Variants in MGAT5 observed in about 807,000 individuals in gnomAD.
The protein encoded by MGAT5 is alpha-1,6-mannosylglycoprotein 6-beta-N-acetylglucosaminyltransferase, also known as alpha-1,6-mannosylglycoprotein 6-beta-N-acetylglucosaminyltransferase A.
Under a neutral mutation model 94.3 loss-of-function variants are expected in MGAT5, and 30 were observed. That is an observed-to-expected ratio of 0.32 (90% CI 0.24 to 0.43). The LOEUF is 0.43. Among genes scored for constraint, MGAT5 ranks in the 20% least tolerant of loss-of-function variants. The probability of loss-of-function intolerance (pLI) is 1.00; values close to 1 mark genes in which losing one functional copy is unlikely to be tolerated. For missense variants in MGAT5, 691 were observed against 905.5 expected (o/e 0.76, Z 3.04); for synonymous variants, 310 against 322.9 (o/e 0.96, Z 0.43).
intron 2 of MGAT5, among the ~76,000 whole-genome samples, chr2:134,297,915 A>G (rs970534935): frequency 6.6e-6 from 1 of 152,104 alleles, no homozygotes; most frequent in Non-Finnish European, 1.5e-5. Context: ...TTTTTCTGAT[A>G]AAAATTGAGG....
chr2:134,295,599 C>T (rs961166240), intron 2 of MGAT5, among the ~76,000 whole-genome samples: 2 of 152,128 alleles, frequency 1.3e-5, no homozygotes, highest in Non-Finnish European at 2.9e-5. Flanking sequence ...AGATTCTCTT[C>T]GAGGATGACA....
upstream of MGAT5, among the ~76,000 whole-genome samples, chr2:134,250,931 G>A (rs762795311): frequency 1.2e-4 from 19 of 152,142 alleles, no homozygotes; most frequent in Non-Finnish European, 2.4e-4. Context: ...ACCTTCTAAG[G>A]AAGCTATTGT....
intron 1 of MGAT5, among the ~76,000 whole-genome samples, chr2:134,237,683 G>GT (rs1681723569): frequency 3.3e-5 from 1 of 30,020 alleles, no homozygotes. Flanking sequence ...TGCAGTTTTT[G>GT]TTTTTGTTTT....
intron 1 of MGAT5, among the ~76,000 whole-genome samples, chr2:134,193,146 A>G: frequency 6.7e-6 from 1 of 149,094 alleles, no homozygotes; most frequent in East Asian, 1.9e-4. Flanking sequence ...TTTTTGAGAC[A>G]AGGTCTCGCT....
chr2:134,145,219 T>C (rs1177171281), intron 1 of MGAT5, among the ~76,000 whole-genome samples: 1 of 150,658 alleles, frequency 6.6e-6, no homozygotes, highest in East Asian at 2.0e-4. Context: ...TCTCTCTGTG[T>C]GTGTGTGTGT....
At chr2:134,427,392 C>T (rs1416690980) in intron 13 of MGAT5, among the ~76,000 whole-genome samples, 1 of 152,176 alleles carries the variant, frequency 6.6e-6, no homozygotes, top group Non-Finnish European at 1.5e-5. Flanking sequence ...AGACACTGTG[C>T]AGCAGAGATC....
At chr2:134,179,255 G>T (rs180691883) in intron 1 of MGAT5, among the ~76,000 whole-genome samples, 108 of 152,236 alleles carry the variant, frequency 7.1e-4, no homozygotes, top group African/African-American at 2.2e-3. Context: ...GTGTTATTAA[G>T]CACAAGAAGG....
rs530311850 is a variant in MGAT5, at chr2:134,191,711, G to A, written c.-142-62551G>A. Among the ~76,000 whole-genome samples, 8 of 150,582 alleles carry A rather than the reference G, an allele frequency of 5.3e-5. No individual in the cohort carries two copies. In the East Asian group the frequency reaches 1.6e-3, roughly 30 times the overall value. On this transcript the variant is annotated intron_variant, in intron 1 of 16. Coordinates refer to the MGAT5 transcript ENST00000409645. ...TTTCTCCTGGCGTGAGCGGGTTCCT[G>A]ATGGGAGGGTGGGTTCGCGCCCTCC...
At chr2:134,252,981 A>G (rs546144451), upstream of MGAT5, 1 of 152,322 alleles carries the variant, frequency 6.6e-6, no homozygotes, top group Admixed American at 6.5e-5. Flanking sequence ...TAATATTCAT[A>G]CTTCTTACCA....
rs115321187 is a variant in MGAT5, at chr2:134,325,828, T to G, written c.573+7089T>G. ...TCTAATTTTTTGTTAGAGAAACTGC[T>G]TCATTGCCTTAGAGTTTGTCTTACT... On this transcript the variant is annotated intron_variant, in intron 4 of 15. Transcript: ENST00000281923. Among the ~76,000 whole-genome samples, 1,245 of 152,232 alleles carry G rather than the reference T, an allele frequency of 8.2e-3. 8 individuals are homozygous for G. The highest frequency in any genetic ancestry group is 0.014 in the South Asian group (69 of 4,824).
chr2:134,425,854 A>C (rs1198026731), intron 13 of MGAT5, among the ~76,000 whole-genome samples: 1 of 151,774 alleles, frequency 6.6e-6, no homozygotes, highest in Non-Finnish European at 1.5e-5. Context: ...TGCAATCTGT[A>C]GGCATCCTTC....
At chr2:134,290,960 A>T (rs10207197) in intron 2 of MGAT5, among the ~76,000 whole-genome samples, 81,209 of 152,064 alleles carry the variant, frequency 0.53, 25,708 homozygotes, top group Non-Finnish European at 0.7. Flanking sequence ...CAGAAACGTA[A>T]TGCAAAACAA....
chr2:134,333,405 A>G (rs1688110573), intron 4 of MGAT5, among the ~76,000 whole-genome samples: 1 of 121,670 alleles, frequency 8.2e-6, no homozygotes, highest in African/African-American at 3.2e-5. Context: ...GGACACAGGA[A>G]GGGGAACATC....
intron 1 of MGAT5, among the ~76,000 whole-genome samples, chr2:134,171,719 G>A (rs1468357249): frequency 3.3e-5 from 5 of 152,158 alleles, no homozygotes; most frequent in Non-Finnish European, 7.4e-5. Flanking sequence ...ACTTAAAACC[G>A]TCCTTGTCCT....
chr2:134,308,755 C>A (rs1184386443), intron 2 of MGAT5, among the ~76,000 whole-genome samples: 1 of 152,088 alleles, frequency 6.6e-6, no homozygotes, highest in African/African-American at 2.4e-5. Flanking sequence ...GCTTTTAGGG[C>A]CGAGTATGGT....
At chr2:134,205,761 TAGAGA>T (rs1479333929) in intron 1 of MGAT5, among the ~76,000 whole-genome samples, 1 of 151,996 alleles carries the variant, frequency 6.6e-6, no homozygotes, top group East Asian at 1.9e-4. Flanking sequence ...AGAATATGGA[TAGAGA>T]AGAGATTTGA....
intron 9 of MGAT5, among the ~76,000 whole-genome samples, chr2:134,353,480 G>A: frequency 6.6e-6 from 1 of 152,172 alleles, no homozygotes. Context: ...CACCAACCAA[G>A]AAAACTCCAC....
intron 4 of MGAT5, among the ~76,000 whole-genome samples, chr2:134,334,998 C>T (rs578239649): frequency 5.9e-5 from 9 of 152,316 alleles, no homozygotes; most frequent in African/African-American, 1.9e-4. Context: ...TCCGCCCTCT[C>T]CCCAAGCTTT....
chr2:134,126,366 AAG>A (rs1220353119), intron 1 of MGAT5, among the ~76,000 whole-genome samples: 2 of 152,248 alleles, frequency 1.3e-5, no homozygotes, highest in African/African-American at 2.4e-5. Flanking sequence ...GTTGAGAAGT[AAG>A]AGGGGATTGA....
Sources: gnomAD v4.1 joint callset for allele counts (sites outside exome capture counted in the v4.1 genomes callset) on GRCh38, gnomAD v4.1.1 for gene constraint, MANE v1.5 for transcripts, NCBI Gene and HGNC (gene_info 2026-07-23, HGNC 2026-07-21) for gene names.